The following PPP6R3 variants were observed in gnomAD, a reference collection of about 807,000 sequenced individuals.
PPP6R3 encodes the protein serine/threonine-protein phosphatase 6 regulatory subunit 3.
PPP6R3 carries 38 observed loss-of-function variants against 110.7 expected under a neutral mutation model. That is an observed-to-expected ratio of 0.34 (90% confidence interval 0.26 to 0.45). The LOEUF (loss-of-function observed/expected upper bound fraction) is 0.45. Ranked by LOEUF, PPP6R3 falls within the 20% of genes least tolerant of loss-of-function variation. The pLI is 1.00. For missense variants in PPP6R3, 870 were observed against 1,062.4 expected, an observed-to-expected ratio of 0.82 and a Z score of 2.52; for synonymous variants, 369 against 373.5, an observed-to-expected ratio of 0.99 and a Z score of 0.14.
Position 68,481,895 on chromosome 11 carries a change from T to C in PPP6R3, c.-158+21068T>C, listed in dbSNP as rs747581869. On this transcript the variant is annotated intron_variant, in intron 1 of 23. Coordinates refer to ENST00000393800, the MANE Select transcript of PPP6R3 (RefSeq NM_001164161.2). ...TTATTCCTTCTAGATGAGTGTGAGG[T>C]AGTCATCTTGAGATGAAGCAGCTGG... Among the ~76,000 whole-genome samples the C allele has an allele frequency of 4.3e-4, 66 of 152,164 alleles. 1 individual carries two copies. The highest frequency in any genetic ancestry group is 7.9e-4 in the Non-Finnish European group (54 of 68,006).
In PPP6R3 at chr11:68,567,111, A is replaced by G; in HGVS notation, c.1073A>G (p.Asn358Ser). Residue 358 changes from asparagine to serine, a missense_variant, in exon 10 of 24, where the codon AAT becomes AGT. Asn to Ser is a conservative substitution (Grantham distance 46). Transcript: ENST00000393800. ...IRLISSLLQT[N>S]TSSINGDLME... Reference sequence around the variant, plus strand: ...TTGATATCCAGCCTGCTTCAAACCAATACCAGCAGTATAAATGGGGACCTT... The same window carrying G: ...TTGATATCCAGCCTGCTTCAAACCAGTACCAGCAGTATAAATGGGGACCTT... 6.4e-7 allele frequency: 1 copy of G among 1,551,492 alleles called. No homozygotes were observed. The highest frequency in any genetic ancestry group is 8.7e-7 in the Non-Finnish European group (1 of 1,146,880).
rs998370558 is a variant in PPP6R3 at position 68,565,248 on chromosome 11, T to C, written c.975+816T>C. 9.2e-5 allele frequency among the ~76,000 whole-genome samples: 14 copies of C among 152,110 alleles called. No homozygotes were observed. The South Asian group carries it at 1.0e-3, about 11-fold the overall frequency. On this transcript the variant is annotated intron_variant, in intron 9 of 23. Coordinates refer to ENST00000393800, the MANE Select transcript of PPP6R3 (RefSeq NM_001164161.2). ...AGTTGGGGGAGCACAGGATAACTTA[T>C]ATAACCAAGGGAGTCTAGTTCAGCT...
intron 18 of PPP6R3, among the ~76,000 whole-genome samples, chr11:68,592,157 T>C (rs571541672): frequency 2.6e-5 from 4 of 152,178 alleles, no homozygotes; most frequent in Non-Finnish European, 5.9e-5. Flanking sequence ...CCAGTCCTTT[T>C]TTTTTTTAAA....
At chr11:68,578,858 G>A (rs1411927673) in intron 14 of PPP6R3, among the ~76,000 whole-genome samples, 1 of 152,158 alleles carries the variant, frequency 6.6e-6, no homozygotes, top group Non-Finnish European at 1.5e-5. Context: ...ATGAACAAAA[G>A]TTGGTGTTTT....
At chr11:68,582,067 G>A (rs796181962) in intron 14 of PPP6R3, among the ~76,000 whole-genome samples, 6 of 152,272 alleles carry the variant, frequency 3.9e-5, no homozygotes, top group African/African-American at 1.2e-4. Context: ...GAACAACTTC[G>A]CAAAACAGAC....
intron 1 of PPP6R3, among the ~76,000 whole-genome samples, chr11:68,485,025 A>C (rs1384409508): frequency 6.6e-6 from 1 of 152,230 alleles, no homozygotes; most frequent in African/African-American, 2.4e-5. Context: ...TGAACATGGA[A>C]TATCTCTTCA....
Position 68,519,624 on chromosome 11 carries a change from CT to C in PPP6R3, c.-30del. 1 of 398,550 alleles carries C rather than the reference CT, an allele frequency of 2.5e-6. No homozygotes were observed. Among genetic ancestry groups the C allele is most frequent in the Non-Finnish European group, 4.4e-6 (1 of 226,050 alleles). 24.7% of individuals were successfully genotyped at this position (398,550 alleles called of 1,614,324 possible). On this transcript the variant is annotated 5_prime_UTR_variant, in exon 2 of 24. An upstream open reading frame in the 5' UTR loses its in-frame stop. Transcript: ENST00000393800. The stretch of plus-strand genomic sequence containing the variant: ...AGGAGCCACAAAGAAGAAAACATTT[CT>C]TTTAATTTTTAAACTTGGTTTGAAA...
At chr11:68,541,803 C>G (rs1007761437) in intron 3 of PPP6R3, among the ~76,000 whole-genome samples, 1 of 151,970 alleles carries the variant, frequency 6.6e-6, no homozygotes, top group Non-Finnish European at 1.5e-5. Context: ...ACCCTGGAAA[C>G]CAAGGGAAGT....
chr11:68,532,085 A>G (rs1039874366), intron 2 of PPP6R3, among the ~76,000 whole-genome samples: 1 of 152,210 alleles, frequency 6.6e-6, no homozygotes, highest in African/African-American at 2.4e-5. Context: ...ACCAGTTCCT[A>G]GTTCCTGTGT....
At position 68,476,226 on chromosome 11, in the gene PPP6R3, C is replaced by T. The variant is rs185807473; in HGVS notation, c.-158+15399C>T. Among the ~76,000 whole-genome samples the T allele has an allele frequency of 7.6e-3, 1,150 of 152,288 alleles. 17 individuals carry two copies. The highest frequency in any genetic ancestry group is 0.026 in the African/African-American group (1,085 of 41,546). On this transcript the variant is annotated intron_variant, in intron 1 of 23. Coordinates refer to ENST00000393800, the MANE Select transcript of PPP6R3 (RefSeq NM_001164161.2). ...CTGCAATTCCGGCACCTCGGGAGGC[C>T]GAGGCTGGCGGATCACTCGCGGTTA... is the stretch of plus-strand genomic sequence containing the variant.
intron 1 of PPP6R3, among the ~76,000 whole-genome samples, chr11:68,468,791 CAT>C (rs1325851682): frequency 3.3e-5 from 5 of 152,304 alleles, no homozygotes; most frequent in East Asian, 1.9e-4. Flanking sequence ...ACATATATAA[CAT>C]AATTTCTGCT....
intron 1 of PPP6R3, chr11:68,505,169 G>A (rs1003826693): frequency 4.6e-5 from 7 of 152,210 alleles, no homozygotes; most frequent in Non-Finnish European, 1.0e-4. Context: ...TCAGAGAGAT[G>A]TGGTGACTTG....
chr11:68,603,105 G>A (rs2099636709), intron 21 of PPP6R3, among the ~76,000 whole-genome samples: 1 of 151,344 alleles, frequency 6.6e-6, no homozygotes, highest in Non-Finnish European at 1.5e-5. Flanking sequence ...TGGGAGGGAT[G>A]TAGGCGACTT....
rs149898990 is a variant in PPP6R3, at chr11:68,575,968, C to T, written c.1470C>T (p.Asp490=). ...LVQQLIKDLP[D]EVRERWETFC... ...TTTCTCACTCTGAAGATCTTCCCGA[C>T]GAAGTCAGGGAACGATGGGAGACGT... Residue 490 remains aspartate (D), a synonymous_variant, in exon 14 of 24, where the codon GAC becomes GAT. Coordinates refer to ENST00000393800, the MANE Select transcript of PPP6R3 (RefSeq NM_001164161.2). The T allele has an allele frequency of 2.9e-4, 473 of 1,609,416 alleles. 1 individual carries two copies. In the East Asian group the frequency reaches 6.9e-3, roughly 23 times the overall value.
At chr11:68,478,923 T>C (rs2098870555) in intron 1 of PPP6R3, among the ~76,000 whole-genome samples, 1 of 152,142 alleles carries the variant, frequency 6.6e-6, no homozygotes, top group African/African-American at 2.4e-5. Context: ...CCCAGAGTGC[T>C]GGGATTACAG....
chr11:68,515,452 G>C (rs914446123), intron 1 of PPP6R3, among the ~76,000 whole-genome samples: 1 of 152,234 alleles, frequency 6.6e-6, no homozygotes, highest in Non-Finnish European at 1.5e-5. Context: ...CAGCAATCCT[G>C]AAACAATGAG....
chr11:68,532,326 C>T (rs536039159), intron 2 of PPP6R3, among the ~76,000 whole-genome samples: 25 of 152,304 alleles, frequency 1.6e-4, no homozygotes, highest in African/African-American at 5.8e-4. Flanking sequence ...TCTTACGTTA[C>T]AGGAAGGTGG....
At chr11:68,508,313 G>A (rs1207842096) in intron 1 of PPP6R3, among the ~76,000 whole-genome samples, 1 of 151,696 alleles carries the variant, frequency 6.6e-6, no homozygotes, top group African/African-American at 2.4e-5. Flanking sequence ...TGTATTTTTA[G>A]TAGAGACGGG....
intron 1 of PPP6R3, among the ~76,000 whole-genome samples, chr11:68,480,761 A>G (rs937810089): frequency 6.6e-6 from 1 of 152,264 alleles, no homozygotes; most frequent in Non-Finnish European, 1.5e-5. Flanking sequence ...AGTATTCAAA[A>G]TATTTTAAAA....
Sources: allele counts gnomAD v4.1 joint callset (sites outside exome capture counted in the v4.1 genomes callset), GRCh38; gene constraint gnomAD v4.1.1; transcripts MANE v1.5; gene names NCBI Gene and HGNC (gene_info 2026-07-23, HGNC 2026-07-21).